CTIF: variants seen among roughly 807,000 people sequenced by gnomAD.
CTIF encodes CBP80/20-dependent translation initiation factor.
In CTIF, 21 loss-of-function variants were observed where a neutral mutation model predicts 66.0. The observed-to-expected ratio is 0.32, with a 90% confidence interval of 0.23 to 0.46. The LOEUF (loss-of-function observed/expected upper bound fraction) is 0.46, where lower values mean the gene tolerates loss of function less well. Ranked by LOEUF, CTIF falls within the 20% of genes least tolerant of loss-of-function variation. The pLI is 1.00. For missense variants in CTIF, 739 were observed against 812.7 expected, an observed-to-expected ratio of 0.91 and a Z score of 1.10; for synonymous variants, 345 against 326.4, an observed-to-expected ratio of 1.06 and a Z score of -0.62.
At chr18:48,699,162 G>A (rs1293265070) in intron 6 of CTIF, among the ~76,000 whole-genome samples, 1 of 152,182 alleles carries the variant, frequency 6.6e-6, no homozygotes, top group African/African-American at 2.4e-5. Flanking sequence ...GGCCCCAGCA[G>A]GCTAGTCAGA....
In CTIF at chr18:48,554,057, G is replaced by T. The variant is rs181928590; in HGVS notation, c.-29+14745G>T. 9.9e-5 allele frequency among the ~76,000 whole-genome samples: 15 copies of T among 152,266 alleles called. No homozygotes were observed. In the East Asian group the frequency reaches 2.9e-3, roughly 29 times the overall value. ...GGGAAGAGGCCTGCAGATTGCAGTG[G>T]GTGAAGAGGCTGTGCACACCCAGCT... On this transcript the variant is annotated intron_variant, in intron 1 of 11. Transcript: ENST00000256413.
chr18:48,681,919 A>G (rs925448265), intron 6 of CTIF, among the ~76,000 whole-genome samples: 3 of 152,034 alleles, frequency 2.0e-5, no homozygotes, highest in Admixed American at 6.5e-5. Flanking sequence ...CCAAGTAGCT[A>G]GGATTACAGG....
At chr18:48,693,473 C>T (rs1289846002) in intron 6 of CTIF, among the ~76,000 whole-genome samples, 1 of 152,152 alleles carries the variant, frequency 6.6e-6, no homozygotes, top group African/African-American at 2.4e-5. Context: ...TTTTAAATGT[C>T]CCCAGGGGCT....
intron 3 of CTIF, among the ~76,000 whole-genome samples, chr18:48,637,375 A>G (rs1020895527): frequency 2.0e-5 from 3 of 152,108 alleles, no homozygotes; most frequent in Non-Finnish European, 4.4e-5. Context: ...AGCTGTTCTC[A>G]CTGATACCTC....
At chr18:48,693,657 C>T (rs1227087841) in intron 6 of CTIF, among the ~76,000 whole-genome samples, 1 of 152,052 alleles carries the variant, frequency 6.6e-6, no homozygotes, top group Non-Finnish European at 1.5e-5. Context: ...AGAGAAGGGC[C>T]CAGAGAGGGA....
intron 9 of CTIF, among the ~76,000 whole-genome samples, chr18:48,809,484 G>A (rs1292964353): frequency 6.6e-6 from 1 of 152,098 alleles, no homozygotes; most frequent in Non-Finnish European, 1.5e-5. Context: ...TTTCACTTGG[G>A]ATTTTATATC....
intron 9 of CTIF, among the ~76,000 whole-genome samples, chr18:48,773,659 C>A (rs916238171): frequency 9.2e-5 from 14 of 152,340 alleles, no homozygotes; most frequent in Admixed American, 9.1e-4. Flanking sequence ...AGCCTGCATT[C>A]CAGAGAGGGC....
chr18:48,570,420 A>C (rs1020483521), intron 1 of CTIF, among the ~76,000 whole-genome samples: 2 of 152,312 alleles, frequency 1.3e-5, no homozygotes, highest in East Asian at 3.9e-4. Flanking sequence ...ACTGTGCTAT[A>C]TATTGAGGGC....
At chr18:48,826,898 A>T (rs1488136805) in intron 10 of CTIF, 1 of 152,322 alleles carries the variant, frequency 6.6e-6, no homozygotes, top group Non-Finnish European at 1.5e-5. Context: ...AGCTGGATGA[A>T]TGTGGGGAAA....
intron 7 of CTIF, among the ~76,000 whole-genome samples, chr18:48,740,730 A>G (rs1301232782): frequency 6.6e-6 from 1 of 152,196 alleles, no homozygotes; most frequent in Non-Finnish European, 1.5e-5. Flanking sequence ...CCCAGGGAGC[A>G]GAGATGCTCT....
chr18:48,768,063 A>G (rs546748152), intron 9 of CTIF, among the ~76,000 whole-genome samples: 4 of 151,922 alleles, frequency 2.6e-5, no homozygotes, highest in African/African-American at 7.2e-5. Flanking sequence ...TCCTTGTCCC[A>G]TGTTTTCAGG....
At chr18:48,638,390 C>T (rs1224870957) in intron 3 of CTIF, among the ~76,000 whole-genome samples, 1 of 152,142 alleles carries the variant, frequency 6.6e-6, no homozygotes, top group African/African-American at 2.4e-5. Context: ...TCCTCTTTAC[C>T]ATCTTTCTGG....
intron 7 of CTIF, among the ~76,000 whole-genome samples, chr18:48,712,614 G>C (rs2145492732): frequency 6.6e-6 from 1 of 152,346 alleles, no homozygotes; most frequent in East Asian, 1.9e-4. Flanking sequence ...TATATTCTTA[G>C]ATAAAGATGA....
chr18:48,667,212 AAGACTAGACTATGCGGTGTAGACATAC>A (rs1344730706), intron 5 of CTIF, among the ~76,000 whole-genome samples: 1 of 152,074 alleles, frequency 6.6e-6, no homozygotes, highest in African/African-American at 2.4e-5. Flanking sequence ...TAGGGGAAGA[AAGACTAGACTATGCGGTGTAGACATAC>A]AGACTAGACT....
chr18:48,746,381 C>G (rs1374536066), intron 7 of CTIF, among the ~76,000 whole-genome samples: 1 of 151,772 alleles, frequency 6.6e-6, no homozygotes, highest in East Asian at 1.9e-4. Context: ...TTTGGGACAC[C>G]AGGGTCACAG....
chr18:48,602,953 G>A (rs1379272037), intron 1 of CTIF, among the ~76,000 whole-genome samples: 2 of 149,556 alleles, frequency 1.3e-5, no homozygotes, highest in African/African-American at 4.9e-5. Flanking sequence ...AGTTAGATGA[G>A]TGGATGGATG....
intron 9 of CTIF, among the ~76,000 whole-genome samples, chr18:48,807,404 G>A (rs569878512): frequency 3.3e-5 from 5 of 152,148 alleles, no homozygotes; most frequent in South Asian, 4.2e-4. Flanking sequence ...CCATAATTCC[G>A]CTATTGAGAG....
chr18:48,679,080 C>A (rs1054872351), intron 6 of CTIF, among the ~76,000 whole-genome samples: 8 of 152,144 alleles, frequency 5.3e-5, no homozygotes, highest in African/African-American at 1.7e-4. Context: ...AAACACTGAT[C>A]TAGAATATAA....
chr18:48,591,105 G>A (rs1036890917), intron 1 of CTIF, among the ~76,000 whole-genome samples: 5 of 152,194 alleles, frequency 3.3e-5, no homozygotes, highest in African/African-American at 7.2e-5. Context: ...CTCCTAGCAC[G>A]TCTCAGCTCC....
Sources: allele counts gnomAD v4.1 joint callset (sites outside exome capture counted in the v4.1 genomes callset), GRCh38; gene constraint gnomAD v4.1.1; transcripts MANE v1.5; gene names NCBI Gene and HGNC (gene_info 2026-07-23, HGNC 2026-07-21).